COL12A1: variants seen among roughly 807,000 people sequenced by gnomAD.
COL12A1 encodes the protein collagen type XII alpha 1 chain, also known as collagen alpha-1(XII) chain.
Under a neutral mutation model 349.7 loss-of-function variants are expected in COL12A1, and 114 were observed. The ratio of observed to expected loss-of-function variants is 0.33; its 90% CI spans 0.28 to 0.38. COL12A1 has a LOEUF of 0.38. Among genes scored for constraint, COL12A1 ranks in the 10% least tolerant of loss-of-function variants. COL12A1 has a pLI of 1.00. For missense variants in COL12A1, 3,284 were observed against 3,756.9 expected (o/e 0.87, Z 3.29); for synonymous variants, 1,369 against 1,329.0 (o/e 1.03, Z -0.66).
rs778526219 is a variant in COL12A1, at chr6:75,143,402, A to G, written c.4691-14T>C. 4 of 1,611,696 alleles carry G rather than the reference A, an allele frequency of 2.5e-6. No individual in the cohort carries two copies. In the South Asian group the frequency reaches 4.4e-5, roughly 18 times the overall value. On this transcript the variant is annotated splice_polypyrimidine_tract_variant and intron_variant, in intron 25 of 65. Transcript: ENST00000322507. Reference sequence around the variant, plus strand: ...TGGGTAAAGGCACTAGAGAAGCACGAGATATTAAATCCAGATGTGCTTCTC... The same window carrying G: ...TGGGTAAAGGCACTAGAGAAGCACGGGATATTAAATCCAGATGTGCTTCTC...
chr6:75,187,208 G>T (rs1284070926), intron 8 of COL12A1, among the ~76,000 whole-genome samples: 5 of 150,532 alleles, frequency 3.3e-5, no homozygotes, highest in Non-Finnish European at 5.9e-5. Context: ...AAAATAGTAG[G>T]AGGGAAGCCA....
chr6:75,156,056 C>T (rs941836425), intron 15 of COL12A1, among the ~76,000 whole-genome samples: 1 of 152,024 alleles, frequency 6.6e-6, no homozygotes, highest in Non-Finnish European at 1.5e-5. Context: ...ATTAGATTTG[C>T]ATAAGAACAT....
chr6:75,174,344 C>A (rs1768799455), intron 13 of COL12A1, among the ~76,000 whole-genome samples: 2 of 152,002 alleles, frequency 1.3e-5, no homozygotes, highest in African/African-American at 4.8e-5. Flanking sequence ...ATCACGAGGT[C>A]AGGAGATCGA....
chr6:75,127,249 G>A (rs1377896278), intron 38 of COL12A1, among the ~76,000 whole-genome samples: 1 of 152,082 alleles, frequency 6.6e-6, no homozygotes. Context: ...TTTAAAAAGT[G>A]AGGTTGTTAA....
intron 27 of COL12A1, among the ~76,000 whole-genome samples, chr6:75,140,325 A>C (rs1223492165): frequency 6.6e-6 from 1 of 152,194 alleles, no homozygotes. Context: ...AGAAAATAGC[A>C]GAGTCAAAAA....
chr6:75,174,994 C>T (rs748925898), intron 13 of COL12A1, 44 bp downstream of exon 13: 4 of 1,604,032 alleles, frequency 2.5e-6, no homozygotes, highest in Admixed American at 1.7e-5. Flanking sequence ...GAGGCAGCAC[C>T]ACAAACAAGT....
At chr6:75,205,436 G>A (rs369471923) in intron 1 of COL12A1, among the ~76,000 whole-genome samples, 3 of 151,734 alleles carry the variant, frequency 2.0e-5, no homozygotes, top group South Asian at 2.1e-4. Flanking sequence ...GATAACCAGG[G>A]CCCTGCTGCC....
Position 75,148,452 on chromosome 6 carries a change from T to G in COL12A1, c.4193A>C (p.His1398Pro), listed in dbSNP as rs764568926. The G allele has an allele frequency of 1.2e-6, 2 of 1,613,494 alleles. No homozygotes were observed. Among genetic ancestry groups the G allele is most frequent in the South Asian group, 2.2e-5 (2 of 91,064 alleles). The stretch of plus-strand genomic sequence containing the variant: ...TGTCCAGCTCACTCTAAAAGAACGA[T>G]GGGTTCGCTCAGAAATAACTAAGTT... ...PSNLVISERT[H>P]RSFRVSWTPP... Residue 1398 changes from histidine (H) to proline (P), a missense_variant, in exon 22 of 66, where the codon CAT becomes CCT. By Grantham distance (77) the His-to-Pro change is moderately conservative. Around this residue, in one of 2 missense-constraint regions of COL12A1, gnomAD observed 2,601 missense variants for 2,824.8 expected, o/e 0.92. Coordinates refer to ENST00000322507, the MANE Select transcript of COL12A1 (RefSeq NM_004370.6).
intron 53 of COL12A1, among the ~76,000 whole-genome samples, chr6:75,105,562 T>C (rs1198824715): frequency 5.3e-5 from 8 of 152,164 alleles, no homozygotes; most frequent in South Asian, 2.1e-4. Flanking sequence ...AATCCAGTGT[T>C]AGAGACTTGT....
At chr6:75,198,484 GTTAT>G (rs2149487740) in intron 2 of COL12A1, among the ~76,000 whole-genome samples, 1 of 150,738 alleles carries the variant, frequency 6.6e-6, no homozygotes, top group Non-Finnish European at 1.5e-5. Flanking sequence ...ATGTAATATT[GTTAT>G]TACATATTAC....
At chr6:75,196,983 A>G (rs1770259307) in intron 2 of COL12A1, among the ~76,000 whole-genome samples, 1 of 152,194 alleles carries the variant, frequency 6.6e-6, no homozygotes, top group African/African-American at 2.4e-5. Flanking sequence ...AGAAACTGTG[A>G]TATGTGAGAA....
chr6:75,128,506 C>T, intron 37 of COL12A1, 81 bp from the exon 38 acceptor site: 1 of 1,201,682 alleles, frequency 8.3e-7, no homozygotes, highest in Non-Finnish European at 1.1e-6. Flanking sequence ...TATGTATTCC[C>T]ATAAACAGTA....
intron 17 of COL12A1, among the ~76,000 whole-genome samples, 169 bp downstream of exon 17, chr6:75,154,236 TGTCAAAAAGCA>T (rs1458061924): frequency 6.6e-6 from 1 of 152,066 alleles, no homozygotes; most frequent in Admixed American, 6.6e-5. Context: ...AAAAAAATAC[TGTCAAAAAGCA>T]TGCTTGACTG....
rs949835155 is a variant in COL12A1 at position 75,201,793 on chromosome 6, A to G, written c.73+927T>C. Among the ~76,000 whole-genome samples, 9 of 152,340 alleles carry G rather than the reference A, an allele frequency of 5.9e-5. No individual in the cohort carries two copies. In the East Asian group the frequency reaches 1.7e-3, roughly 29 times the overall value. On this transcript the variant is annotated intron_variant, in intron 2 of 65. Transcript: ENST00000322507. ...TGAACACTGAGAAATTAAGACATCA[A>G]GTGCACACAACAAATAAAATTGGGT...
At chr6:75,158,866 G>A (rs1053440993) in intron 14 of COL12A1, among the ~76,000 whole-genome samples, 10 of 151,970 alleles carry the variant, frequency 6.6e-5, no homozygotes, top group Non-Finnish European at 1.3e-4. Flanking sequence ...CAGAGCATCA[G>A]TGAGCTGTGT....
rs773135746 is a variant in COL12A1, at chr6:75,152,026, C to A, written c.3841G>T (p.Ala1281Ser). 6.2e-7 allele frequency: 1 copy of A among 1,613,694 alleles called. No homozygotes were observed. Among genetic ancestry groups the A allele is most frequent in the African/African-American group, 1.3e-5 (1 of 74,880 alleles). ...YKGGNTLTGM[A>S]LNFIRQQNFR... Reference sequence around the variant, plus strand: ...TTCTGTTGGCGAATGAAATTCAAAGCCATGCCTAGTGGGATTTTTAAAAGA... The same window carrying A: ...TTCTGTTGGCGAATGAAATTCAAAGACATGCCTAGTGGGATTTTTAAAAGA... Residue 1281 changes from alanine (A) to serine (S), a missense_variant, in exon 20 of 66, where the codon GCT becomes TCT. Ala to Ser is a moderately conservative substitution (Grantham distance 99). Around this residue, in one of 2 missense-constraint regions of COL12A1, gnomAD observed 2,601 missense variants for 2,824.8 expected, o/e 0.92. Transcript: ENST00000322507.
chr6:75,175,393 T>C (rs1237051823), intron 12 of COL12A1, 83 bp from the exon 13 acceptor site: 1 of 1,455,818 alleles, frequency 6.9e-7, no homozygotes, highest in Non-Finnish European at 9.2e-7. Flanking sequence ...TACTTATGCA[T>C]GTGCACTACA....
Position 75,152,360 on chromosome 6 carries a change from C to A in COL12A1, c.3688G>T (p.Asp1230Tyr). ...ATTTGTACTCTTTTGGGGCCAATGT[C>A]AAAGACTTCCACAATACGAGAAATG... Reference protein sequence around the residue: ...SFISRIVEVFDIGPKRVQIAL... With the variant: ...SFISRIVEVFYIGPKRVQIAL... Residue 1230 changes from aspartate (D) to tyrosine (Y), a missense_variant, in exon 18 of 66, where the codon GAC (aspartate) becomes TAC (tyrosine). By Grantham distance (160) the Asp-to-Tyr change is radical. This residue lies in a region of COL12A1 where 2,601 missense variants were observed against 2,824.8 expected (regional missense o/e 0.92). Coordinates refer to ENST00000322507, the MANE Select transcript of COL12A1 (RefSeq NM_004370.6). The A allele has an allele frequency of 6.2e-7, 1 of 1,613,604 alleles. No homozygotes were observed. The highest frequency in any genetic ancestry group is 1.1e-5 in the South Asian group (1 of 91,056).
Position 75,156,372 on chromosome 6 carries a change from G to T in COL12A1, c.3135C>A (p.Pro1045=), listed in dbSNP as rs1582146956. The T allele has an allele frequency of 1.2e-6, 2 of 1,613,896 alleles. No individual in the cohort carries two copies. The highest frequency in any genetic ancestry group is 1.7e-6 in the Non-Finnish European group (2 of 1,179,874). ...GCTTTAACACTGTCGAAGTGACTGT[G>T]GGGGGCACCTTAGCAACCATTTGCT... The part of the protein sequence containing the change: ...RGKQMVAKVP[P]TVTSTVLKRL... The change falls in exon 15 of 66, where the codon CCC becomes CCA. Residue 1045 remains proline (P), a synonymous_variant. Coordinates refer to ENST00000322507, the MANE Select transcript of COL12A1 (RefSeq NM_004370.6).
Sources: gnomAD v4.1 joint callset for allele counts (sites outside exome capture counted in the v4.1 genomes callset) on GRCh38, gnomAD v4.1.1 for gene constraint, gnomAD v4.1.1 regional missense constraint, MANE v1.5 for transcripts, NCBI Gene and HGNC (gene_info 2026-07-23, HGNC 2026-07-21) for gene names.